Variants in ESCO1 observed in about 807,000 individuals in gnomAD.
ESCO1 encodes the protein establishment of sister chromatid cohesion N-acetyltransferase 1.
ESCO1 carries 33 observed loss-of-function variants against 83.5 expected under a neutral mutation model. The observed-to-expected ratio is 0.40, with a 90% CI of 0.30 to 0.53. The LOEUF (loss-of-function observed/expected upper bound fraction) is 0.53, where lower values mean the gene tolerates loss of function less well. Among genes scored for constraint, ESCO1 ranks in the 20% least tolerant of loss-of-function variants. The probability of loss-of-function intolerance (pLI) is 0.63; values close to 1 mark genes in which losing one functional copy is unlikely to be tolerated. For synonymous variants in ESCO1, 332 were observed against 324.3 expected, an observed-to-expected ratio of 1.02 and a Z score of -0.25; for missense variants, 855 against 968.0, an observed-to-expected ratio of 0.88 and a Z score of 1.55.
At chr18:21,561,365 T>C (rs2038183958) in intron 7 of ESCO1, among the ~76,000 whole-genome samples, 1 of 152,154 alleles carries the variant, frequency 6.6e-6, no homozygotes, top group Non-Finnish European at 1.5e-5. Flanking sequence ...ATACAGGGTC[T>C]CACGGTCTCA....
At chr18:21,556,796 G>A (rs1473831897) in intron 8 of ESCO1, among the ~76,000 whole-genome samples, 1 of 152,024 alleles carries the variant, frequency 6.6e-6, no homozygotes, top group East Asian at 1.9e-4. Context: ...CGCCTCCCAG[G>A]CTCAAGCGAT....
intron 9 of ESCO1, among the ~76,000 whole-genome samples, chr18:21,538,185 C>T (rs2037860020): frequency 6.6e-6 from 1 of 151,390 alleles, no homozygotes; most frequent in African/African-American, 2.4e-5. Flanking sequence ...GGCAGGGTGG[C>T]TCACGCCTAT....
chr18:21,586,692 G>C (rs926391641), intron 1 of ESCO1, among the ~76,000 whole-genome samples: 9 of 152,142 alleles, frequency 5.9e-5, no homozygotes, highest in Non-Finnish European at 1.2e-4. Context: ...TCTGCAAAGA[G>C]AGAGAGTTTT....
intron 2 of ESCO1, among the ~76,000 whole-genome samples, chr18:21,577,360 T>TAA (rs2038432739): frequency 2.5e-4 from 25 of 99,224 alleles, no homozygotes; most frequent in African/African-American, 1.1e-3. Flanking sequence ...TCCATCTTTT[T>TAA]TAAAAAAAAA....
chr18:21,588,264 T>C (rs2038611161), intron 1 of ESCO1, among the ~76,000 whole-genome samples: 1 of 152,020 alleles, frequency 6.6e-6, no homozygotes, highest in Non-Finnish European at 1.5e-5. Context: ...AAACCAAGTA[T>C]TTAACATATA....
intron 8 of ESCO1, among the ~76,000 whole-genome samples, chr18:21,547,393 C>T (rs1350825668): frequency 6.7e-6 from 1 of 150,340 alleles, no homozygotes; most frequent in Non-Finnish European, 1.5e-5. Context: ...AGTTAATTTG[C>T]TAGGGTCATA....
chr18:21,531,631 G>A (rs2146162796), intron 11 of ESCO1, among the ~76,000 whole-genome samples: 1 of 151,744 alleles, frequency 6.6e-6, no homozygotes, highest in Non-Finnish European at 1.5e-5. Context: ...CCAGCCTGGG[G>A]AACATGGCAA....
At chr18:21,538,781 A>G (rs757535265) in intron 9 of ESCO1, among the ~76,000 whole-genome samples, 7 of 152,178 alleles carry the variant, frequency 4.6e-5, no homozygotes, top group Non-Finnish European at 7.4e-5. Context: ...TATAATTACT[A>G]AAGTGTTTCA....
chr18:21,531,656 A>C (rs998547573), intron 11 of ESCO1, among the ~76,000 whole-genome samples: 1 of 151,642 alleles, frequency 6.6e-6, no homozygotes, highest in Non-Finnish European at 1.5e-5. Context: ...CCATCTCTAC[A>C]AAAAATAGAA....
intron 8 of ESCO1, among the ~76,000 whole-genome samples, chr18:21,556,059 A>G (rs576527513): frequency 4.7e-4 from 71 of 152,184 alleles, no homozygotes; most frequent in African/African-American, 1.6e-3. Flanking sequence ...GTTCAAGACC[A>G]GTCTGGGCAA....
chr18:21,572,725 G>A (rs2038356575), intron 4 of ESCO1, among the ~76,000 whole-genome samples: 1 of 152,178 alleles, frequency 6.6e-6, no homozygotes, highest in Admixed American at 6.5e-5. Context: ...AGCACTTTGG[G>A]AGGCCGAGGT....
intron 10 of ESCO1, among the ~76,000 whole-genome samples, chr18:21,535,062 C>T (rs530878953): frequency 6.6e-5 from 10 of 152,094 alleles, no homozygotes; most frequent in South Asian, 6.2e-4. Context: ...TGTTGGTGGG[C>T]GACAATAAAA....
chr18:21,543,460 A>G (rs948744164), intron 8 of ESCO1, among the ~76,000 whole-genome samples: 1 of 152,118 alleles, frequency 6.6e-6, no homozygotes, highest in African/African-American at 2.4e-5. Context: ...TCTCCTTGCT[A>G]TTGGAGTTAC....
At chr18:21,585,929 A>G (rs1005745507) in intron 1 of ESCO1, among the ~76,000 whole-genome samples, 1 of 152,162 alleles carries the variant, frequency 6.6e-6, no homozygotes, top group East Asian at 1.9e-4. Flanking sequence ...TAATGATTAC[A>G]CATATTTCTG....
chr18:21,592,606 AC>A (rs1176001660), intron 1 of ESCO1, among the ~76,000 whole-genome samples: 3 of 107,870 alleles, frequency 2.8e-5, no homozygotes, highest in Admixed American at 9.8e-5. Context: ...CGGGAGGCTG[AC>A]CCCCCCACCT....
intron 1 of ESCO1, among the ~76,000 whole-genome samples, chr18:21,589,884 G>A (rs2038639173): frequency 6.6e-6 from 1 of 151,886 alleles, no homozygotes; most frequent in Non-Finnish European, 1.5e-5. Context: ...CTGGAGTGCA[G>A]TGGTGCCATC....
At chr18:21,558,077 T>C (rs549815603) in intron 8 of ESCO1, among the ~76,000 whole-genome samples, 3 of 151,434 alleles carry the variant, frequency 2.0e-5, no homozygotes, top group Admixed American at 1.3e-4. Flanking sequence ...GCCAACCTCC[T>C]GAGCTCAAGC....
chr18:21,564,705 T>TA (rs1382190655), intron 6 of ESCO1, among the ~76,000 whole-genome samples: 4 of 151,838 alleles, frequency 2.6e-5, no homozygotes, highest in African/African-American at 9.7e-5. Flanking sequence ...AAAAATAACT[T>TA]ATTTTCTACA....
intron 8 of ESCO1, among the ~76,000 whole-genome samples, chr18:21,552,559 AAAC>A (rs1290187358): frequency 2.6e-5 from 4 of 152,358 alleles, no homozygotes; most frequent in East Asian, 1.9e-4. Flanking sequence ...TGAGTTAATT[AAAC>A]CTCTCTCCTT....
Sources: allele counts gnomAD v4.1 joint callset (sites outside exome capture counted in the v4.1 genomes callset), GRCh38; gene constraint gnomAD v4.1.1; transcripts MANE v1.5; gene names NCBI Gene and HGNC (gene_info 2026-07-23, HGNC 2026-07-21).